Variants in WHRN observed in about 807,000 individuals in gnomAD.
WHRN encodes the protein CASK-interacting protein CIP98.
In WHRN, 41 loss-of-function variants were observed where a neutral mutation model predicts 68.3. The observed-to-expected ratio is 0.60, with a 90% CI of 0.47 to 0.78. The LOEUF is 0.78. Ranked by LOEUF, WHRN falls within the 30% of genes least tolerant of loss-of-function variation. The pLI, the probability that WHRN is intolerant of heterozygous loss-of-function variation, is 0.00. For synonymous variants in WHRN, 560 were observed against 561.3 expected (o/e 1.00, Z 0.03); for missense variants, 1,243 against 1,244.7 (o/e 1.00, Z 0.02).
At chr9:114,485,892 C>T (rs1263948866) in intron 1 of WHRN, among the ~76,000 whole-genome samples, 1 of 151,370 alleles carries the variant, frequency 6.6e-6, no homozygotes, top group Non-Finnish European at 1.5e-5. Flanking sequence ...TGTGCACCTG[C>T]AGTCCTAGCT....
Position 114,407,968 on chromosome 9 carries a change from G to A in WHRN, c.1677C>T (p.Asn559=), listed in dbSNP as rs138127153. 7.9e-5 allele frequency: 127 copies of A among 1,603,368 alleles called. No homozygotes were observed. The highest frequency in any genetic ancestry group is 7.1e-4 in the South Asian group (63 of 89,144). The change falls in exon 8 of 12, where the codon AAC becomes AAT. Residue 559 remains asparagine, a synonymous_variant. Coordinates refer to ENST00000362057, the MANE Select transcript of WHRN (RefSeq NM_015404.4). The part of the protein sequence containing the change: ...ETGEAVQGNI[N]ALPDVSVDDV... ...TTACCACGGACACATCTGGGAGGGC[G>A]TTGATATTGCCCTGGACAGCCTCGC...
At chr9:114,481,983 C>A (rs1226291473) in intron 1 of WHRN, among the ~76,000 whole-genome samples, 1 of 152,078 alleles carries the variant, frequency 6.6e-6, no homozygotes, top group Non-Finnish European at 1.5e-5. Flanking sequence ...TGGTGAGAGA[C>A]AAGGCATCGT....
At position 114,402,813 on chromosome 9, in the gene WHRN, T is replaced by C. The variant is rs200354989; in HGVS notation, c.2665A>G (p.Lys889Glu). ...EAARIIAEAF[K>E]TKDRDYIDFL... ...TCAATGTAGTCACGGTCCTTAGTCTTGAAGGCCTCGGCGATAATGCGGGCG... is the reference window on the plus strand; with the variant it reads ...TCAATGTAGTCACGGTCCTTAGTCTCGAAGGCCTCGGCGATAATGCGGGCG... The change falls in exon 12 of 12, where the codon AAG becomes GAG. Residue 889 changes from lysine to glutamate, a missense_variant. By Grantham distance (56) the Lys-to-Glu change is moderately conservative. Coordinates refer to ENST00000362057, the MANE Select transcript of WHRN (RefSeq NM_015404.4). 138 of 1,613,998 alleles carry C rather than the reference T, an allele frequency of 8.6e-5. No individual in the cohort carries two copies. The highest frequency in any genetic ancestry group is 9.1e-5 in the Non-Finnish European group (107 of 1,180,040).
At position 114,504,945 on chromosome 9, in the gene WHRN, G is replaced by A. The variant is rs1282228450; in HGVS notation, c.-144C>T. 8.2e-7 allele frequency: 1 copy of A among 1,215,578 alleles called. No individual in the cohort carries two copies. Among genetic ancestry groups the A allele is most frequent in the African/African-American group, 1.6e-5 (1 of 62,516 alleles). 75.3% of individuals were successfully genotyped at this position (1,215,578 alleles called of 1,614,324 possible). Reference sequence around the variant, plus strand: ...GGGTTTGGGGAGCACGGGTACAGTGGCTGGATCCTAGGGGGTCGCGGAGAC... The same window carrying A: ...GGGTTTGGGGAGCACGGGTACAGTGACTGGATCCTAGGGGGTCGCGGAGAC... On this transcript the variant is annotated 5_prime_UTR_variant, in exon 1 of 12. Transcript: ENST00000362057.
chr9:114,410,606 A>G (rs1326892189), intron 7 of WHRN, among the ~76,000 whole-genome samples: 3 of 152,216 alleles, frequency 2.0e-5, no homozygotes, highest in African/African-American at 4.8e-5. Flanking sequence ...TCGACCCACA[A>G]GATGCTGGCT....
intron 3 of WHRN, among the ~76,000 whole-genome samples, chr9:114,426,668 G>A (rs1388363466): frequency 6.6e-6 from 1 of 152,200 alleles, no homozygotes; most frequent in Non-Finnish European, 1.5e-5. Context: ...GCTTTGAGGG[G>A]TGGGTCTACG....
At chr9:114,407,547 C>T (rs1401893798) in intron 8 of WHRN, among the ~76,000 whole-genome samples, 5 of 152,240 alleles carry the variant, frequency 3.3e-5, no homozygotes, top group African/African-American at 1.2e-4. Context: ...GACACCTGCA[C>T]AGCTCCAACA....
intron 3 of WHRN, among the ~76,000 whole-genome samples, chr9:114,461,832 A>G (rs1359359611): frequency 6.6e-6 from 1 of 152,194 alleles, no homozygotes; most frequent in Admixed American, 6.5e-5. Flanking sequence ...TGGTATTATT[A>G]CAATTGTAAC....
At chr9:114,492,038 C>T (rs1403972526) in intron 1 of WHRN, among the ~76,000 whole-genome samples, 1 of 146,344 alleles carries the variant, frequency 6.8e-6, no homozygotes, top group Non-Finnish European at 1.5e-5. Flanking sequence ...AAGAGCTTAA[C>T]TTCACTATTT....
At chr9:114,487,397 G>A (rs1842639322) in intron 1 of WHRN, among the ~76,000 whole-genome samples, 1 of 151,878 alleles carries the variant, frequency 6.6e-6, no homozygotes, top group Non-Finnish European at 1.5e-5. Flanking sequence ...ACTCACAACT[G>A]AACATTTTCT....
At chr9:114,438,565 G>C (rs1169187349) in intron 3 of WHRN, among the ~76,000 whole-genome samples, 1 of 149,560 alleles carries the variant, frequency 6.7e-6, no homozygotes, top group African/African-American at 2.5e-5. Flanking sequence ...CCATTCTCCT[G>C]CCTCAGCCTC....
Position 114,406,835 on chromosome 9 carries a change from G to A in WHRN, c.1756C>T (p.Pro586Ser). 6.2e-7 allele frequency: 1 copy of A among 1,606,576 alleles called. No homozygotes were observed. The change falls in exon 9 of 12, where the codon CCA becomes TCA. Residue 586 changes from proline (P) to serine (S), a missense_variant. Coordinates refer to ENST00000362057, the MANE Select transcript of WHRN (RefSeq NM_015404.4). ...LSSFKPLPRP[P>S]PLAQGNDLPL... ...AGGTCGTTGCCTTGGGCCAGAGGTG[G>A]TGGGCGAGGCAGTGGCTTGAAGCTT...
rs2132208584 is a variant in WHRN, at chr9:114,406,338, G to A, written c.2236+17C>T. ...GGGACCCCCAAGGACCACAGAGCCT[G>A]GCCTTGCTGTACTCACTGCGCGTCT... is the stretch of plus-strand genomic sequence containing the variant. On this transcript the variant is annotated intron_variant, in intron 9 of 11. Coordinates refer to ENST00000362057, the MANE Select transcript of WHRN (RefSeq NM_015404.4). The A allele has an allele frequency of 6.2e-7, 1 of 1,613,850 alleles. No homozygotes were observed. Among genetic ancestry groups the A allele is most frequent in the Non-Finnish European group, 8.5e-7 (1 of 1,180,016 alleles).
At chr9:114,411,459 T>C (rs1172627535) in intron 7 of WHRN, among the ~76,000 whole-genome samples, 1 of 152,188 alleles carries the variant, frequency 6.6e-6, no homozygotes, top group Non-Finnish European at 1.5e-5. Flanking sequence ...CTGCAGCTGA[T>C]CCTGGGGGAA....
In WHRN at chr9:114,444,367, T is replaced by A. The variant is rs146263176; in HGVS notation, c.964-17954A>T. Among the ~76,000 whole-genome samples the A allele has an allele frequency of 6.6e-4, 100 of 152,246 alleles. No homozygotes were observed. In the East Asian group the frequency reaches 0.018, roughly 27 times the overall value. On this transcript the variant is annotated intron_variant, in intron 3 of 11. Coordinates refer to ENST00000362057, the MANE Select transcript of WHRN (RefSeq NM_015404.4). Reference sequence around the variant, plus strand: ...CAAAAAGTCTATGAATTAATGTTAGTCAAATACTGCATGGTATATCCATAC... The same window carrying A: ...CAAAAAGTCTATGAATTAATGTTAGACAAATACTGCATGGTATATCCATAC...
At chr9:114,459,696 G>A (rs1433154240) in intron 3 of WHRN, among the ~76,000 whole-genome samples, 2 of 152,172 alleles carry the variant, frequency 1.3e-5, no homozygotes, top group Non-Finnish European at 2.9e-5. Context: ...TCCAGCACCC[G>A]TGATAGACCT....
chr9:114,498,945 C>T (rs1257062473), intron 1 of WHRN, among the ~76,000 whole-genome samples: 1 of 152,216 alleles, frequency 6.6e-6, no homozygotes, highest in Non-Finnish European at 1.5e-5. Flanking sequence ...CTGTTCCCAA[C>T]AGGCTTCCAA....
intron 7 of WHRN, among the ~76,000 whole-genome samples, chr9:114,414,345 A>T (rs572529513): frequency 6.6e-6 from 1 of 152,336 alleles, no homozygotes; most frequent in Non-Finnish European, 1.5e-5. Flanking sequence ...TCTGAAAATT[A>T]TATCAGGTAT....
intron 3 of WHRN, 27 bp downstream of exon 3, chr9:114,466,240 T>A (rs1840678715): frequency 5.6e-6 from 9 of 1,613,214 alleles, no homozygotes; most frequent in Non-Finnish European, 7.6e-6. Context: ...ATGCACAGAG[T>A]TTTCCCTCCC....
Sources: allele counts gnomAD v4.1 joint callset (sites outside exome capture counted in the v4.1 genomes callset), GRCh38; gene constraint gnomAD v4.1.1; transcripts MANE v1.5; gene names NCBI Gene and HGNC (gene_info 2026-07-23, HGNC 2026-07-21).